ZMYM6: variants seen among roughly 807,000 people sequenced by gnomAD.
ZMYM6 encodes zinc finger MYM-type containing 6, also known as zinc finger MYM-type protein 6.
Under a neutral mutation model 134.0 loss-of-function variants are expected in ZMYM6, and 90 were observed. The ratio of observed to expected loss-of-function variants is 0.67; its 90% confidence interval spans 0.57 to 0.80. The LOEUF is 0.80. Among genes scored for constraint, ZMYM6 ranks in the 30% least tolerant of loss-of-function variants. The pLI is 0.00. For missense variants in ZMYM6, 1,362 were observed against 1,533.9 expected (o/e 0.89, Z 1.87); for synonymous variants, 481 against 524.1 (o/e 0.92, Z 1.12).
At chr1:35,007,241 T>C in intron 11 of ZMYM6, 143 bp from the exon 12 acceptor site, 2 of 742,930 alleles carry the variant, frequency 2.7e-6, no homozygotes, top group Non-Finnish European at 3.9e-6. Flanking sequence ...CTTAAAATAC[T>C]GATTTTATTT....
chr1:35,029,682 A>G (rs1223800895), intron 2 of ZMYM6, among the ~76,000 whole-genome samples: 1 of 152,110 alleles, frequency 6.6e-6, no homozygotes, highest in Non-Finnish European at 1.5e-5. Context: ...GGGCTTTCCT[A>G]TTCACAGTTC....
At chr1:35,002,985 C>A (rs552200997) in intron 14 of ZMYM6, among the ~76,000 whole-genome samples, 2 of 151,680 alleles carry the variant, frequency 1.3e-5, no homozygotes, top group South Asian at 4.2e-4. Context: ...CTAGCCTGGG[C>A]AACATAGCAA....
intron 6 of ZMYM6, among the ~76,000 whole-genome samples, chr1:35,013,959 G>A (rs973102150): frequency 6.6e-6 from 1 of 152,092 alleles, no homozygotes; most frequent in Non-Finnish European, 1.5e-5. Context: ...CAAAGTGCTG[G>A]GATTACAGGC....
At chr1:35,020,589 T>C (rs1367582372) in intron 2 of ZMYM6, 122 bp from the exon 3 acceptor site, 4 of 743,094 alleles carry the variant, frequency 5.4e-6, no homozygotes, top group East Asian at 6.6e-5. Flanking sequence ...TTTTTTTTTT[T>C]TGAGATGGAG....
chr1:35,030,661 G>C lies in ZMYM6; in HGVS notation c.-22C>G. Reference sequence around the variant, plus strand: ...TCATTCTAATTTTTTACCTCAAAGAGTGTCTCAGGCTCAAACGAATAGATT... The same window carrying C: ...TCATTCTAATTTTTTACCTCAAAGACTGTCTCAGGCTCAAACGAATAGATT... On this transcript the variant is annotated 5_prime_UTR_variant, in exon 2 of 16. Transcript: ENST00000357182. The C allele has an allele frequency of 6.2e-7, 1 of 1,605,690 alleles. No homozygotes were observed. Among genetic ancestry groups the C allele is most frequent in the Non-Finnish European group, 8.5e-7 (1 of 1,174,952 alleles).
chr1:35,027,249 GAGGGAAACAA>G (rs1641431384), intron 2 of ZMYM6, among the ~76,000 whole-genome samples: 1 of 152,196 alleles, frequency 6.6e-6, no homozygotes, highest in Non-Finnish European at 1.5e-5. Flanking sequence ...TGACACTGGA[GAGGGAAACAA>G]AGGCCTAAAC....
At chr1:35,018,490 TTTA>T (rs1471467752) in intron 4 of ZMYM6, 3 of 151,570 alleles carry the variant, frequency 2.0e-5, no homozygotes, top group Admixed American at 6.6e-5. Flanking sequence ...TACACATATA[TTTA>T]TTATATTTAT....
In ZMYM6 at chr1:35,001,274, T is replaced by G. The variant is rs547309575; in HGVS notation, c.1992+2694A>C. On this transcript the variant is annotated intron_variant, in intron 14 of 15. Transcript: ENST00000357182. ...AAGATTCTAAAACTGTCAGGTGTTT[T>G]TTTTTTTTTTTTTCACATTGTAAGA... Among the ~76,000 whole-genome samples the G allele has an allele frequency of 6.0e-3, 904 of 151,652 alleles. 6 individuals carry two copies. Among genetic ancestry groups the G allele is most frequent in the African/African-American group, 0.02 (846 of 41,370 alleles).
intron 14 of ZMYM6, among the ~76,000 whole-genome samples, chr1:34,993,706 C>T (rs905875182): frequency 6.0e-5 from 9 of 150,618 alleles, no homozygotes; most frequent in South Asian, 2.1e-4. Flanking sequence ...TTTTTTGAGA[C>T]GGAGTCTCGC....
chr1:34,990,930 T>A (rs578122886), intron 15 of ZMYM6, among the ~76,000 whole-genome samples: 48 of 152,322 alleles, frequency 3.2e-4, no homozygotes, highest in African/African-American at 1.2e-3. Context: ...AATGGCGCGA[T>A]CTCAGCTCAC....
At chr1:35,015,414 G>A (rs1021993699) in intron 4 of ZMYM6, among the ~76,000 whole-genome samples, 4 of 152,020 alleles carry the variant, frequency 2.6e-5, no homozygotes, top group African/African-American at 9.7e-5. Flanking sequence ...TTTGTCAAGA[G>A]TGAATTATAT....
At chr1:34,996,029 T>G (rs1640778151) in intron 14 of ZMYM6, among the ~76,000 whole-genome samples, 1 of 152,186 alleles carries the variant, frequency 6.6e-6, no homozygotes, top group South Asian at 2.1e-4. Context: ...TATAAATATT[T>G]TACTATTATA....
At chr1:35,014,469 A>G (rs531798620) in intron 6 of ZMYM6, among the ~76,000 whole-genome samples, 1 of 152,316 alleles carries the variant, frequency 6.6e-6, no homozygotes, top group South Asian at 2.1e-4. Context: ...TCACATTTGT[A>G]AATTCTTAGC....
intron 14 of ZMYM6, among the ~76,000 whole-genome samples, chr1:35,001,555 T>C (rs1387924912): frequency 1.3e-5 from 2 of 152,096 alleles, no homozygotes; most frequent in African/African-American, 4.8e-5. Flanking sequence ...CTACAACTAA[T>C]ATAGAATGTT....
intron 2 of ZMYM6, among the ~76,000 whole-genome samples, chr1:35,029,653 C>A (rs1641481740): frequency 1.3e-5 from 2 of 152,078 alleles, no homozygotes; most frequent in Admixed American, 6.5e-5. Flanking sequence ...TAAAAAGAAC[C>A]ATGCATCTTT....
In ZMYM6 at chr1:34,987,171, G is replaced by T; in HGVS notation, c.3911C>A (p.Pro1304His). Residue 1304 changes from proline (P) to histidine (H), a missense_variant, in exon 16 of 16, where the codon CCT (proline) becomes CAT (histidine). Around this residue, in one of 3 missense-constraint regions of ZMYM6, gnomAD observed 824 missense variants for 940.9 expected, o/e 0.88. Transcript: ENST00000357182. ...SKQKNLLGSG[P>H]ALRLAVTSLI... ...AGATGTGACTGCAAGTCTTAGGGCA[G>T]GGCCAGAACCCAACAGATTTTTTTG... 6.2e-7 allele frequency: 1 copy of T among 1,604,352 alleles called. No homozygotes were observed. Among genetic ancestry groups the T allele is most frequent in the East Asian group, 2.2e-5 (1 of 44,800 alleles).
chr1:34,990,937 T>C (rs1369868964), intron 15 of ZMYM6, among the ~76,000 whole-genome samples: 1 of 152,202 alleles, frequency 6.6e-6, no homozygotes, highest in Admixed American at 6.5e-5. Flanking sequence ...CGATCTCAGC[T>C]CACCGCAACC....
intron 3 of ZMYM6, 103 bp from the exon 4 acceptor site, chr1:35,019,705 C>CA (rs1249708026): frequency 8.7e-5 from 117 of 1,352,114 alleles, no homozygotes; most frequent in Non-Finnish European, 1.1e-4. Context: ...GACACGGTCT[C>CA]ACTGTCACCC....
At chr1:35,030,290 G>A (rs1641496811) in intron 2 of ZMYM6, 1 of 355,334 alleles carries the variant, frequency 2.8e-6, no homozygotes, top group African/African-American at 2.1e-5. Context: ...AAATAGTTGA[G>A]CATGTTGGTG....
Sources: gnomAD v4.1 joint callset for allele counts (sites outside exome capture counted in the v4.1 genomes callset) on GRCh38, gnomAD v4.1.1 for gene constraint, gnomAD v4.1.1 regional missense constraint, MANE v1.5 for transcripts, NCBI Gene and HGNC (gene_info 2026-07-23, HGNC 2026-07-21) for gene names.